Variants in CC2D2B observed in about 807,000 individuals in gnomAD.
CC2D2B encodes the protein protein CC2D2B.
Under a neutral mutation model 161.2 loss-of-function variants are expected in CC2D2B, and 128 were observed. That is an observed-to-expected ratio of 0.79 (90% confidence interval 0.69 to 0.92). CC2D2B has a LOEUF of 0.92. CC2D2B is among the 40% of genes least tolerant of loss of function. The pLI is 0.00. For synonymous variants in CC2D2B, 391 were observed against 449.8 expected, an observed-to-expected ratio of 0.87 and a Z score of 1.65; for missense variants, 1,173 against 1,375.1, an observed-to-expected ratio of 0.85 and a Z score of 2.32.
Position 96,033,696 on chromosome 10 carries a change from C to T in CC2D2B, c.*1688C>T, listed in dbSNP as rs572166952. Among the ~76,000 whole-genome samples the T allele has an allele frequency of 6.6e-6, 1 of 152,054 alleles. No individual in the cohort carries two copies. Among genetic ancestry groups the T allele is most frequent in the Non-Finnish European group, 1.5e-5 (1 of 68,002 alleles). ...CATGGAGGACCTTTTTATATTGTAT[C>T]CTTTTTACATGAGTGTTACTTTTTC... On this transcript the variant is annotated 3_prime_UTR_variant, in exon 35 of 35. Coordinates refer to ENST00000646931, the MANE Select transcript of CC2D2B (RefSeq NM_001349008.3).
intron 18 of CC2D2B, among the ~76,000 whole-genome samples, chr10:95,982,528 T>C (rs565501338): frequency 6.6e-6 from 1 of 152,340 alleles, no homozygotes; most frequent in Non-Finnish European, 1.5e-5. Flanking sequence ...AACTGCTCTA[T>C]GTACCTCACA....
Position 96,019,763 on chromosome 10 carries a change from A to G in CC2D2B, c.3827A>G (p.Glu1276Gly). ...GCTGTATTTTTTGACTATTCAAAGGAAAGTTTCTGGAAGCAGTTGCTTCCA... is the reference window on the plus strand; with the variant it reads ...GCTGTATTTTTTGACTATTCAAAGGGAAGTTTCTGGAAGCAGTTGCTTCCA... Reference protein sequence around the residue: ...PMAVFFDYSKESFWKQLLPKN... With the variant: ...PMAVFFDYSKGSFWKQLLPKN... Residue 1276 changes from glutamate to glycine, a missense_variant, in exon 32 of 35, where the codon GAA becomes GGA. This residue lies in a region of CC2D2B where 598 missense variants were observed against 693.2 expected (regional missense o/e 0.86). Transcript: ENST00000646931. 2 of 1,604,600 alleles carry G rather than the reference A, an allele frequency of 1.2e-6. No individual in the cohort carries two copies. The highest frequency in any genetic ancestry group is 8.5e-7 in the Non-Finnish European group (1 of 1,177,332).
intron 22 of CC2D2B, among the ~76,000 whole-genome samples, chr10:95,994,951 C>A (rs575693153): frequency 6.6e-6 from 1 of 152,248 alleles, no homozygotes; most frequent in South Asian, 2.1e-4. Flanking sequence ...GGTAATCCTC[C>A]ACCCACAATA....
At chr10:95,944,675 A>G (rs1238271117) in intron 9 of CC2D2B, among the ~76,000 whole-genome samples, 1 of 152,256 alleles carries the variant, frequency 6.6e-6, no homozygotes. Context: ...AAGAAATATT[A>G]ACCACCATTC....
At chr10:95,994,667 C>T (rs754425491) in intron 22 of CC2D2B, among the ~76,000 whole-genome samples, 5 of 152,186 alleles carry the variant, frequency 3.3e-5, no homozygotes, top group Admixed American at 6.5e-5. Context: ...GGCCCTTATG[C>T]GGGTGTGACA....
At chr10:95,984,428 T>C (rs1370148733) in intron 19 of CC2D2B, among the ~76,000 whole-genome samples, 1 of 152,204 alleles carries the variant, frequency 6.6e-6, no homozygotes, top group Non-Finnish European at 1.5e-5. Context: ...TCTTTGGAGA[T>C]TCATGCTGAA....
chr10:95,973,143 G>A (rs1379859274), intron 16 of CC2D2B, among the ~76,000 whole-genome samples: 2 of 151,864 alleles, frequency 1.3e-5, no homozygotes, highest in Admixed American at 6.6e-5. Flanking sequence ...GAGCAAGGAG[G>A]AGGGGGCGGG....
chr10:95,980,645 AAAG>A (rs2077481196), intron 17 of CC2D2B, among the ~76,000 whole-genome samples: 1 of 152,306 alleles, frequency 6.6e-6, no homozygotes, highest in East Asian at 1.9e-4. Flanking sequence ...AAGCAAAAGA[AAAG>A]AAGAATATGC....
chr10:96,018,446 C>G (rs1246661301), intron 30 of CC2D2B, among the ~76,000 whole-genome samples: 1 of 152,166 alleles, frequency 6.6e-6, no homozygotes, highest in African/African-American at 2.4e-5. Context: ...CCTATCTCTG[C>G]CTGGTGTTCA....
At chr10:96,014,958 AT>A (rs1191632734) in intron 29 of CC2D2B, among the ~76,000 whole-genome samples, 1 of 152,172 alleles carries the variant, frequency 6.6e-6, no homozygotes, top group Non-Finnish European at 1.5e-5. Context: ...TTCCATAATG[AT>A]TGGTAAATAG....
At chr10:95,968,182 G>A (rs1474373000) in intron 14 of CC2D2B, among the ~76,000 whole-genome samples, 2 of 152,134 alleles carry the variant, frequency 1.3e-5, no homozygotes, top group Non-Finnish European at 2.9e-5. Context: ...TGGAGAAAAG[G>A]GGTACACAGC....
At chr10:95,969,341 T>C (rs1438062607) in intron 15 of CC2D2B, among the ~76,000 whole-genome samples, 1 of 152,056 alleles carries the variant, frequency 6.6e-6, no homozygotes, top group Non-Finnish European at 1.5e-5. Context: ...AAGAATCAGA[T>C]GAAAGAACAT....
At chr10:95,981,268 T>C (rs1040496858) in intron 17 of CC2D2B, among the ~76,000 whole-genome samples, 6 of 152,064 alleles carry the variant, frequency 3.9e-5, no homozygotes, top group African/African-American at 1.2e-4. Context: ...AGCACGTGCC[T>C]GTAGTCTCAG....
At chr10:95,950,549 T>G in intron 10 of CC2D2B, 2 of 152,062 alleles carry the variant, frequency 1.3e-5, no homozygotes, top group Non-Finnish European at 2.9e-5. Flanking sequence ...ATAGAAGGAG[T>G]ACCCACTGAT....
intron 18 of CC2D2B, 126 bp downstream of exon 18, chr10:95,982,239 T>C: frequency 1.8e-6 from 1 of 564,902 alleles, no homozygotes; most frequent in Non-Finnish European, 2.6e-6. Flanking sequence ...TAAAAGTAAA[T>C]CTGAGGACAG....
rs950773470 is a variant in CC2D2B, at chr10:95,937,988, C to G, written c.337-3C>G. The G allele has an allele frequency of 1.3e-6, 2 of 1,527,188 alleles. No homozygotes were observed. Among genetic ancestry groups the G allele is most frequent in the Non-Finnish European group, 1.8e-6 (2 of 1,126,340 alleles). 94.6% of individuals were successfully genotyped at this position (1,527,188 alleles called of 1,614,324 possible). On this transcript the variant is annotated splice_region_variant and splice_polypyrimidine_tract_variant and intron_variant, in intron 6 of 34. Transcript: ENST00000646931. ...ACTTATTTTCCTTTTTGGTATTCAA[C>G]AGAGACCAGTAAACCGTAGTTATCC...
At chr10:95,943,822 A>G (rs2076103205) in intron 9 of CC2D2B, among the ~76,000 whole-genome samples, 1 of 152,142 alleles carries the variant, frequency 6.6e-6, no homozygotes, top group Non-Finnish European at 1.5e-5. Flanking sequence ...ATTATTATAT[A>G]TGAAAAATTA....
intron 22 of CC2D2B, among the ~76,000 whole-genome samples, chr10:95,993,484 T>G (rs1037658652): frequency 6.6e-6 from 1 of 152,084 alleles, no homozygotes; most frequent in Non-Finnish European, 1.5e-5. Context: ...ATTCTTCCTA[T>G]GAAAAACAAA....
intron 2 of CC2D2B, chr10:95,919,959 T>C (rs1340798031): frequency 6.6e-6 from 1 of 151,826 alleles, no homozygotes; most frequent in African/African-American, 2.4e-5. Flanking sequence ...AGGCCAGTGG[T>C]GACTATACCC....
Sources: gnomAD v4.1 joint callset for allele counts (sites outside exome capture counted in the v4.1 genomes callset) on GRCh38, gnomAD v4.1.1 for gene constraint, gnomAD v4.1.1 regional missense constraint, MANE v1.5 for transcripts, NCBI Gene and HGNC (gene_info 2026-07-23, HGNC 2026-07-21) for gene names.